The following GTPBP2 variants were observed in gnomAD, a reference collection of about 807,000 sequenced individuals.
GTPBP2 encodes GTP binding protein 2, also known as GTP-binding protein 2.
GTPBP2 carries 32 observed loss-of-function variants against 63.0 expected under a neutral mutation model. The ratio of observed to expected loss-of-function variants is 0.51; its 90% CI spans 0.38 to 0.68. The LOEUF is 0.68. Ranked by LOEUF, GTPBP2 falls within the 30% of genes least tolerant of loss-of-function variation. The probability of loss-of-function intolerance (pLI) is 0.00; values close to 1 mark genes in which losing one functional copy is unlikely to be tolerated. For synonymous variants in GTPBP2, 310 were observed against 322.6 expected (o/e 0.96, Z 0.42); for missense variants, 492 against 796.9 (o/e 0.62, Z 4.61).
In GTPBP2 at chr6:43,624,577, C is replaced by T; in HGVS notation, c.1033G>A (p.Val345Ile). The change falls in exon 7 of 12, where the codon GTC becomes ATC. Residue 345 changes from valine (V) to isoleucine (I), a missense_variant. Transcript: ENST00000307126. This position sits in a 1 kb window ranked among gnomAD's most constrained non-coding sequence, Gnocchi z 5.1. ...RVLKQPGCHK[V>I]PMLVTSEDDA... The stretch of plus-strand genomic sequence containing the variant: ...TCCTCAGAGGTGACCAGCATGGGGA[C>T]CTTGTGGCAGCCAGGCTGCTTGAGG... The T allele has an allele frequency of 6.2e-7, 1 of 1,614,170 alleles. No homozygotes were observed. The highest frequency in any genetic ancestry group is 8.5e-7 in the Non-Finnish European group (1 of 1,180,024).
upstream of GTPBP2, chr6:43,629,692 C>G: frequency 2.6e-6 from 4 of 1,539,360 alleles, no homozygotes; most frequent in Non-Finnish European, 3.5e-6. Context: ...AGCTGCAGAA[C>G]TGAGGCTACT....
In GTPBP2 at chr6:43,624,247, CCCAT is replaced by C. The variant is rs151053026; in HGVS notation, c.1101-183_1101-180del. Among the ~76,000 whole-genome samples, 4,976 of 152,238 alleles carry C rather than the reference CCCAT, an allele frequency of 0.033. 254 individuals carry two copies. The highest frequency in any genetic ancestry group is 0.11 in the African/African-American group (4,601 of 41,496). ...CAGTCGAGCAATGTCACACAAAAAG[CCCAT>C]CCGAGCCCAAGGGAAACAGCAAATG... On this transcript the variant is annotated intron_variant, in intron 7 of 11. Coordinates refer to ENST00000307126, the MANE Select transcript of GTPBP2 (RefSeq NM_019096.5). The surrounding 1 kb of genome is among the most constrained non-coding windows in gnomAD (Gnocchi z 5.1).
upstream of GTPBP2, among the ~76,000 whole-genome samples, chr6:43,631,238 C>G (rs1351314124): frequency 6.6e-6 from 1 of 152,184 alleles, no homozygotes; most frequent in African/African-American, 2.4e-5. Flanking sequence ...TCCTGTGCCA[C>G]TGAAGGAAAG....
upstream of GTPBP2, among the ~76,000 whole-genome samples, chr6:43,630,568 C>A (rs1010916397): frequency 1.3e-5 from 2 of 152,040 alleles, no homozygotes; most frequent in Non-Finnish European, 2.9e-5. Context: ...CACAGCGAAA[C>A]CCCGTCTCTA....
upstream of GTPBP2, chr6:43,629,744 TCC>T: frequency 1.9e-6 from 3 of 1,553,880 alleles, no homozygotes; most frequent in African/African-American, 4.1e-5. Flanking sequence ...CTCAGTTTCT[TCC>T]CCTATGGCCC....
In GTPBP2 at chr6:43,625,332, G is replaced by A. The variant is rs766918408; in HGVS notation, c.705+31C>T. 2 of 1,590,002 alleles carry A rather than the reference G, an allele frequency of 1.3e-6. No homozygotes were observed. The highest frequency in any genetic ancestry group is 1.7e-6 in the Non-Finnish European group (2 of 1,158,210). ...TACTACCATCCCATCCTCAGAGTCTGGCCCCATTGGGTCCCATTGATCCCA... is the reference window on the plus strand; with the variant it reads ...TACTACCATCCCATCCTCAGAGTCTAGCCCCATTGGGTCCCATTGATCCCA... On this transcript the variant is annotated intron_variant, in intron 5 of 11. Transcript: ENST00000307126. This position sits in a 1 kb window ranked among gnomAD's most constrained non-coding sequence, Gnocchi z 5.1.
intron 9 of GTPBP2, chr6:43,623,474 C>A: frequency 1.9e-6 from 1 of 537,842 alleles, no homozygotes; most frequent in South Asian, 2.4e-5. Flanking sequence ...TGAATACACT[C>A]TAGTTTTCTT....
At chr6:43,627,098 A>C in intron 1 of GTPBP2, 150 bp from the exon 2 acceptor site, 1 of 729,802 alleles carries the variant, frequency 1.4e-6, no homozygotes, top group Non-Finnish European at 2.1e-6. Context: ...GGTCAGTGGC[A>C]GACAAGATCC....
At chr6:43,630,940 A>G (rs979533010), upstream of GTPBP2, among the ~76,000 whole-genome samples, 1 of 151,390 alleles carries the variant, frequency 6.6e-6, no homozygotes, top group African/African-American at 2.4e-5. Context: ...AAGAAAGAAA[A>G]AGAAATTAAG....
intron 9 of GTPBP2, chr6:43,623,008 G>A: frequency 1.8e-6 from 1 of 564,976 alleles, no homozygotes; most frequent in Non-Finnish European, 3.2e-6. Context: ...AGCAGTGATG[G>A]TGGACAGAGA....
At chr6:43,623,495 A>C (rs757170826) in intron 9 of GTPBP2, 23 of 561,264 alleles carry the variant, frequency 4.1e-5, no homozygotes, top group Non-Finnish European at 6.0e-5. Flanking sequence ...CCTGGAGCTC[A>C]AGACCCACAC....
chr6:43,628,874 C>G (rs774182941), intron 1 of GTPBP2, 103 bp downstream of exon 1: 9 of 1,289,532 alleles, frequency 7.0e-6, no homozygotes, highest in Non-Finnish European at 9.0e-6. Context: ...TCCCTGGGGT[C>G]TCGACACCGG....
In GTPBP2 at chr6:43,625,339, T is replaced by C. The variant is rs371931742; in HGVS notation, c.705+24A>G. On this transcript the variant is annotated intron_variant, in intron 5 of 11. Transcript: ENST00000307126. This position sits in a 1 kb window ranked among gnomAD's most constrained non-coding sequence, Gnocchi z 5.1. The stretch of plus-strand genomic sequence containing the variant: ...ATCCCATCCTCAGAGTCTGGCCCCA[T>C]TGGGTCCCATTGATCCCATGCACCT... 2.4e-5 allele frequency: 39 copies of C among 1,605,206 alleles called. No homozygotes were observed. The African/African-American group carries it at 3.7e-4, about 15-fold the overall frequency.
intron 1 of GTPBP2, chr6:43,628,667 G>T: frequency 1.3e-6 from 1 of 794,576 alleles, no homozygotes; most frequent in Non-Finnish European, 2.0e-6. Flanking sequence ...GCCCTATGGC[G>T]GCACACGCAG....
chr6:43,624,709 G>A lies in GTPBP2; in HGVS notation c.901C>T (p.Leu301=). Reference sequence around the variant, plus strand: ...ACTTTCAGGGCCAGGGCCAGCCCCAGATGTTCCCTTGTGGTGCCAGCTGCC... The same window carrying A: ...ACTTTCAGGGCCAGGGCCAGCCCCAAATGTTCCCTTGTGGTGCCAGCTGCC... ...TGIAGTTREH[L]GLALALKVPF... The change falls in exon 7 of 12, where the codon CTG becomes TTG. Residue 301 remains leucine, a synonymous_variant. Transcript: ENST00000307126. The surrounding 1 kb of genome is among the most constrained non-coding windows in gnomAD (Gnocchi z 5.1). The A allele has an allele frequency of 6.2e-7, 1 of 1,613,950 alleles. No homozygotes were observed. The highest frequency in any genetic ancestry group is 1.7e-5 in the Admixed American group (1 of 60,022).
Position 43,621,983 on chromosome 6 carries a change from G to T in GTPBP2, c.1632+20C>A. The T allele has an allele frequency of 6.2e-7, 1 of 1,613,750 alleles. No homozygotes were observed. Among genetic ancestry groups the T allele is most frequent in the Non-Finnish European group, 8.5e-7 (1 of 1,179,620 alleles). On this transcript the variant is annotated intron_variant, in intron 11 of 11. Coordinates refer to ENST00000307126, the MANE Select transcript of GTPBP2 (RefSeq NM_019096.5). The stretch of plus-strand genomic sequence containing the variant: ...CTCTTTTCTGACCTCTGGAGAAATG[G>T]AAGGCCAGGTCCCTCTCACCTTGGC...
In GTPBP2 at chr6:43,626,494, AC is replaced by A; in HGVS notation, c.214-85del. On this transcript the variant is annotated intron_variant, in intron 2 of 11. Coordinates refer to ENST00000307126, the MANE Select transcript of GTPBP2 (RefSeq NM_019096.5). The surrounding 1 kb of genome is among the most constrained non-coding windows in gnomAD (Gnocchi z 4.0). ...GGTCCCCACCTGTTCTGCTGCAAGG[AC>A]CAGGACTTTCTCTTTCCACTTAAAC... 2 of 1,085,788 alleles carry A rather than the reference AC, an allele frequency of 1.8e-6. No individual in the cohort carries two copies. The highest frequency in any genetic ancestry group is 2.7e-6 in the Non-Finnish European group (2 of 730,624). 67.3% of individuals were successfully genotyped at this position (1,085,788 alleles called of 1,614,324 possible).
rs532979762 is a variant in GTPBP2 at position 43,626,223 on chromosome 6, T to C, written c.398+3A>G. 25 of 1,613,150 alleles carry C rather than the reference T, an allele frequency of 1.5e-5. No homozygotes were observed. The highest frequency in any genetic ancestry group is 2.1e-5 in the Non-Finnish European group (25 of 1,179,456). On this transcript the variant is annotated splice_donor_region_variant and intron_variant, in intron 3 of 11. Transcript: ENST00000307126. This position sits in a 1 kb window ranked among gnomAD's most constrained non-coding sequence, Gnocchi z 4.0. The stretch of plus-strand genomic sequence containing the variant: ...GAGAACTGGTGGGGAAGGGGAAGCA[T>C]ACTTCTCTGCCATCCGGTGCAGGGT...
chr6:43,628,470 C>A, intron 1 of GTPBP2: 1 of 431,908 alleles, frequency 2.3e-6, no homozygotes, highest in Non-Finnish European at 3.1e-6. Context: ...CTGGCTTAGG[C>A]TGTGTGTGTG....
Sources: allele counts gnomAD v4.1 joint callset (sites outside exome capture counted in the v4.1 genomes callset), GRCh38; gene constraint gnomAD v4.1.1; non-coding constraint Gnocchi (gnomAD v3.1); transcripts MANE v1.5; gene names NCBI Gene and HGNC (gene_info 2026-07-23, HGNC 2026-07-21).